Variants in CNTNAP2 observed in about 807,000 individuals in gnomAD.
CNTNAP2 encodes the protein contactin-associated protein-like 2.
CNTNAP2 carries 98 observed loss-of-function variants against 155.2 expected under a neutral mutation model. The ratio of observed to expected loss-of-function variants is 0.63; its 90% confidence interval spans 0.54 to 0.75. The LOEUF is 0.75. Ranked by LOEUF, CNTNAP2 falls within the 30% of genes least tolerant of loss-of-function variation. The pLI, the probability that CNTNAP2 is intolerant of heterozygous loss-of-function variation, is 0.00. For synonymous variants in CNTNAP2, 651 were observed against 631.2 expected, an observed-to-expected ratio of 1.03 and a Z score of -0.47; for missense variants, 1,727 against 1,688.1, an observed-to-expected ratio of 1.02 and a Z score of -0.40.
chr7:147,951,256 A>G (rs1364020357), intron 14 of CNTNAP2, among the ~76,000 whole-genome samples: 1 of 152,212 alleles, frequency 6.6e-6, no homozygotes, highest in African/African-American at 2.4e-5. Flanking sequence ...TCCTAAAGAG[A>G]ATGTGAGGAC....
In CNTNAP2 at chr7:147,867,539, G is replaced by C. The variant is rs551408818; in HGVS notation, c.2099-36026G>C. ...GTTCTCCTGGATAATATCCTGAAGA[G>C]TGTTTTCCAACTTGGTTGTATTCTC... On this transcript the variant is annotated intron_variant, in intron 13 of 23. Coordinates refer to ENST00000361727, the MANE Select transcript of CNTNAP2 (RefSeq NM_014141.6). Among the ~76,000 whole-genome samples, 4 of 152,282 alleles carry C rather than the reference G, an allele frequency of 2.6e-5. No individual in the cohort carries two copies. The South Asian group carries it at 8.3e-4, about 32-fold the overall frequency.
At chr7:147,300,119 A>C in intron 8 of CNTNAP2, 22 bp from the exon 9 acceptor site, 1 of 1,612,206 alleles carries the variant, frequency 6.2e-7, no homozygotes, top group Non-Finnish European at 8.5e-7. Flanking sequence ...GATAAAAATG[A>C]CTTTTATCTT....
intron 9 of CNTNAP2, among the ~76,000 whole-genome samples, chr7:147,356,621 C>T (rs567552496): frequency 6.6e-6 from 1 of 152,214 alleles, no homozygotes; most frequent in South Asian, 2.1e-4. Context: ...TCACCTACCA[C>T]TATTGAAGTT....
chr7:146,757,198 A>G (rs1802009135), intron 1 of CNTNAP2, among the ~76,000 whole-genome samples: 1 of 152,124 alleles, frequency 6.6e-6, no homozygotes, highest in Non-Finnish European at 1.5e-5. Context: ...TGAAATCCAG[A>G]TATGTTCAAA....
At chr7:148,151,415 C>T (rs1170324953) in intron 17 of CNTNAP2, among the ~76,000 whole-genome samples, 2 of 152,058 alleles carry the variant, frequency 1.3e-5, no homozygotes, top group Non-Finnish European at 2.9e-5. Flanking sequence ...AAGTGATTCT[C>T]CTCTCTCGGC....
intron 22 of CNTNAP2, among the ~76,000 whole-genome samples, chr7:148,405,491 A>G (rs1799679599): frequency 7.6e-6 from 1 of 132,340 alleles, no homozygotes; most frequent in Admixed American, 8.4e-5. Flanking sequence ...GCAGTGGTGC[A>G]ATCTCGGCTC....
chr7:147,527,242 C>G (rs1457858539), intron 11 of CNTNAP2, among the ~76,000 whole-genome samples: 1 of 151,912 alleles, frequency 6.6e-6, no homozygotes, highest in African/African-American at 2.4e-5. Flanking sequence ...CCAGGATGGT[C>G]TCGATCTCCT....
At chr7:147,745,448 G>GTT (rs1322384899) in intron 13 of CNTNAP2, among the ~76,000 whole-genome samples, 1 of 152,152 alleles carries the variant, frequency 6.6e-6, no homozygotes, top group Admixed American at 6.6e-5. Flanking sequence ...AAGAGAGAAA[G>GTT]CTTCAACCTA....
intron 20 of CNTNAP2, among the ~76,000 whole-genome samples, chr7:148,237,739 C>T (rs1330272745): frequency 6.6e-6 from 1 of 152,188 alleles, no homozygotes; most frequent in Non-Finnish European, 1.5e-5. Flanking sequence ...TTATCAGCAG[C>T]AAAATGAGAG....
intron 1 of CNTNAP2, among the ~76,000 whole-genome samples, chr7:146,417,233 T>C (rs1369296174): frequency 6.6e-6 from 1 of 152,162 alleles, no homozygotes; most frequent in East Asian, 1.9e-4. Flanking sequence ...CTGTCAAAAG[T>C]AAAGCTACTT....
At chr7:146,990,759 T>C (rs1487476984) in intron 3 of CNTNAP2, among the ~76,000 whole-genome samples, 2 of 152,078 alleles carry the variant, frequency 1.3e-5, no homozygotes, top group Admixed American at 6.6e-5. Context: ...TCTGTGTGTA[T>C]GTTGCTGGGG....
chr7:147,045,392 T>C (rs1799338044), intron 4 of CNTNAP2, among the ~76,000 whole-genome samples: 2 of 152,180 alleles, frequency 1.3e-5, no homozygotes, highest in Non-Finnish European at 2.9e-5. Context: ...GGTCAAAATA[T>C]TAGCTATAAT....
intron 13 of CNTNAP2, among the ~76,000 whole-genome samples, chr7:147,896,536 A>G (rs960793545): frequency 6.6e-6 from 1 of 152,148 alleles, no homozygotes; most frequent in Admixed American, 6.6e-5. Context: ...CCAGTGAGCC[A>G]GGAGTGCTGA....
rs547097099 is a variant in CNTNAP2 at position 147,751,624 on chromosome 7, A to G, written c.2098+112318A>G. Among the ~76,000 whole-genome samples, 5 of 152,378 alleles carry G rather than the reference A, an allele frequency of 3.3e-5. No homozygotes were observed. The East Asian group carries it at 9.6e-4, about 29-fold the overall frequency. ...AAAAGGGGATGAAATGTGTGCAAAC[A>G]CGAGCTGTCCATTTTGTGCTACACA... is the stretch of plus-strand genomic sequence containing the variant. On this transcript the variant is annotated intron_variant, in intron 13 of 23. Coordinates refer to ENST00000361727, the MANE Select transcript of CNTNAP2 (RefSeq NM_014141.6).
chr7:147,391,010 T>C (rs1796706755), intron 9 of CNTNAP2, among the ~76,000 whole-genome samples: 1 of 151,984 alleles, frequency 6.6e-6, no homozygotes, highest in Non-Finnish European at 1.5e-5. Context: ...GTCAAGTCAA[T>C]CCAAAATGAA....
chr7:146,860,629 T>C (rs1795079176), intron 3 of CNTNAP2, among the ~76,000 whole-genome samples: 1 of 152,184 alleles, frequency 6.6e-6, no homozygotes, highest in Admixed American at 6.6e-5. Flanking sequence ...GGATAGTCTA[T>C]TGTGGAAAAA....
At chr7:148,176,473 C>A (rs1440396229) in intron 18 of CNTNAP2, among the ~76,000 whole-genome samples, 1 of 152,136 alleles carries the variant, frequency 6.6e-6, no homozygotes, top group Non-Finnish European at 1.5e-5. Context: ...CCTGCCTCAG[C>A]CTCCCAAAGT....
intron 1 of CNTNAP2, among the ~76,000 whole-genome samples, chr7:146,414,117 A>G (rs1023094302): frequency 2.0e-5 from 3 of 152,228 alleles, no homozygotes; most frequent in Admixed American, 6.5e-5. Context: ...GGGCAAACCT[A>G]TGCATCTATG....
At chr7:147,112,317 C>A (rs1256032866) in intron 5 of CNTNAP2, among the ~76,000 whole-genome samples, 2 of 152,142 alleles carry the variant, frequency 1.3e-5, no homozygotes, top group South Asian at 2.1e-4. Context: ...ATGACATCTG[C>A]AAAGATAATT....
Sources: gnomAD v4.1 joint callset for allele counts (sites outside exome capture counted in the v4.1 genomes callset) on GRCh38, gnomAD v4.1.1 for gene constraint, MANE v1.5 for transcripts, NCBI Gene and HGNC (gene_info 2026-07-23, HGNC 2026-07-21) for gene names.